UACA: variants seen among roughly 807,000 people sequenced by gnomAD.
UACA encodes the protein nuclear membrane binding protein.
UACA carries 112 observed loss-of-function variants against 160.5 expected under a neutral mutation model. The observed-to-expected ratio is 0.70, with a 90% CI of 0.60 to 0.82. The LOEUF (loss-of-function observed/expected upper bound fraction) is 0.82. Ranked by LOEUF, UACA falls within the 40% of genes least tolerant of loss-of-function variation. The pLI is 0.00. For missense variants in UACA, 1,574 were observed against 1,614.6 expected (o/e 0.97, Z 0.43); for synonymous variants, 557 against 568.4 (o/e 0.98, Z 0.29).
At chr15:70,704,521 T>A in intron 1 of UACA, among the ~76,000 whole-genome samples, 1 of 152,240 alleles carries the variant, frequency 6.6e-6, no homozygotes, top group South Asian at 2.1e-4. Flanking sequence ...AAAACACATG[T>A]TCTTCAGAAT....
upstream of UACA, among the ~76,000 whole-genome samples, chr15:70,767,262 AAC>A (rs1567007251): frequency 2.5e-5 from 3 of 122,004 alleles, no homozygotes; most frequent in African/African-American, 8.0e-5. Flanking sequence ...AAAAACAAAA[AAC>A]AAAAACAAAA....
chr15:70,658,020 T>C (rs531456515), intron 18 of UACA, among the ~76,000 whole-genome samples: 18 of 151,498 alleles, frequency 1.2e-4, no homozygotes, highest in African/African-American at 4.1e-4. Context: ...AGCCCAGGAG[T>C]TGAGGCTGTA....
At chr15:70,701,023 T>C (rs1420475393) in intron 1 of UACA, among the ~76,000 whole-genome samples, 1 of 152,064 alleles carries the variant, frequency 6.6e-6, no homozygotes, top group East Asian at 1.9e-4. Flanking sequence ...AAACAAGTAA[T>C]GTAAAATTAA....
upstream of UACA, among the ~76,000 whole-genome samples, chr15:70,767,769 C>T (rs1218316022): frequency 6.6e-6 from 1 of 152,064 alleles, no homozygotes; most frequent in African/African-American, 2.4e-5. Flanking sequence ...TGAACAAAGC[C>T]AGTGAATAAT....
At chr15:70,703,333 T>C (rs1216403457) in intron 1 of UACA, 2 of 1,213,336 alleles carry the variant, frequency 1.6e-6, no homozygotes, top group African/African-American at 3.2e-5. Context: ...GCTGCTATAT[T>C]ATAGATCATG....
chr15:70,767,579 C>G (rs1408092827), upstream of UACA, among the ~76,000 whole-genome samples: 1 of 150,154 alleles, frequency 6.7e-6, no homozygotes. Context: ...TAGAGCAAGA[C>G]TTCATCTCAA....
At chr15:70,758,526 A>G (rs1305804398) in intron 1 of UACA, 1 of 152,212 alleles carries the variant, frequency 6.6e-6, no homozygotes, top group Non-Finnish European at 1.5e-5. Context: ...TTTCAAATGC[A>G]CCCAAATCCC....
intron 8 of UACA, among the ~76,000 whole-genome samples, chr15:70,683,406 G>A (rs956640055): frequency 7.2e-5 from 11 of 151,914 alleles, no homozygotes; most frequent in African/African-American, 2.4e-4. Context: ...AAATTCGAAG[G>A]CAATTTGCCA....
chr15:70,657,212 T>C (rs982199692), intron 18 of UACA, 85 bp from the exon 19 acceptor site: 4 of 1,048,868 alleles, frequency 3.8e-6, no homozygotes, highest in Non-Finnish European at 4.4e-6. Context: ...TTACAGAGCA[T>C]AACTAGTCAT....
At position 70,720,732 on chromosome 15, in the gene UACA, C is replaced by G. The variant is rs564458894; in HGVS notation, c.79-21072G>C. ...AGCAAAGTAAGTCAATATTTGTGAT[C>G]AAGAGGACAAACTGTGGTAGATTAT... On this transcript the variant is annotated intron_variant, in intron 1 of 18. Transcript: ENST00000322954. 3.9e-5 allele frequency among the ~76,000 whole-genome samples: 6 copies of G among 152,216 alleles called. No homozygotes were observed. In the South Asian group the frequency reaches 1.2e-3, roughly 32 times the overall value.
chr15:70,714,341 G>C (rs1384638454), intron 1 of UACA, among the ~76,000 whole-genome samples: 3 of 152,106 alleles, frequency 2.0e-5, no homozygotes, highest in African/African-American at 7.2e-5. Flanking sequence ...ATATACCGGG[G>C]AAACAAAAGC....
chr15:70,707,799 A>G (rs930364173), intron 1 of UACA, among the ~76,000 whole-genome samples: 2 of 152,210 alleles, frequency 1.3e-5, no homozygotes, highest in Non-Finnish European at 2.9e-5. Flanking sequence ...GAATGTGTAG[A>G]AATTAGAACC....
chr15:70,736,440 T>C (rs926951981), intron 1 of UACA, among the ~76,000 whole-genome samples: 1 of 152,104 alleles, frequency 6.6e-6, no homozygotes, highest in Non-Finnish European at 1.5e-5. Context: ...TCAACATGCT[T>C]TTTTTGGGGG....
At chr15:70,737,135 T>A (rs1899393399) in intron 1 of UACA, among the ~76,000 whole-genome samples, 1 of 152,238 alleles carries the variant, frequency 6.6e-6, no homozygotes, top group Non-Finnish European at 1.5e-5. Context: ...TGTTCTGAGC[T>A]GATAACTTAA....
chr15:70,686,224 T>C (rs1306414578), intron 7 of UACA, among the ~76,000 whole-genome samples: 2 of 151,334 alleles, frequency 1.3e-5, no homozygotes, highest in African/African-American at 2.4e-5. Context: ...GTCCTGAGAA[T>C]GGGTGCCGGA....
chr15:70,757,894 CCA>C (rs1179019698), intron 1 of UACA, among the ~76,000 whole-genome samples: 1 of 152,202 alleles, frequency 6.6e-6, no homozygotes, highest in Non-Finnish European at 1.5e-5. Flanking sequence ...AGTTCATCCT[CCA>C]CACTTTCTGC....
At chr15:70,698,541 C>T (rs76396039) in intron 2 of UACA, among the ~76,000 whole-genome samples, 1,971 of 152,216 alleles carry the variant, frequency 0.013, 34 homozygotes, top group African/African-American at 0.046. Flanking sequence ...AACTTTATTG[C>T]TCTTAAAAAC....
chr15:70,749,533 A>AG (rs910002905), intron 1 of UACA, among the ~76,000 whole-genome samples: 6 of 151,306 alleles, frequency 4.0e-5, no homozygotes, highest in African/African-American at 1.5e-4. Context: ...TCAAAAAAAA[A>AG]AAACAAAAAC....
chr15:70,723,512 C>T (rs769128115), intron 1 of UACA, among the ~76,000 whole-genome samples: 81 of 152,340 alleles, frequency 5.3e-4, no homozygotes, highest in Admixed American at 1.5e-3. Context: ...AGCCTCCAAT[C>T]TCTTTTCATA....
Sources: allele counts gnomAD v4.1 joint callset (sites outside exome capture counted in the v4.1 genomes callset), GRCh38; gene constraint gnomAD v4.1.1; transcripts MANE v1.5; gene names NCBI Gene and HGNC (gene_info 2026-07-23, HGNC 2026-07-21).